MIB2: variants seen among roughly 807,000 people sequenced by gnomAD.
MIB2 encodes E3 ubiquitin-protein ligase MIB2.
A neutral mutation model predicts 96.6 loss-of-function variants in MIB2; 78 were observed. The observed-to-expected ratio is 0.81, with a 90% CI of 0.67 to 0.97. The LOEUF (loss-of-function observed/expected upper bound fraction) is 0.97. Among genes scored for constraint, MIB2 ranks in the 50% least tolerant of loss-of-function variants. The pLI is 0.00. For missense variants in MIB2, 1,543 were observed against 1,424.0 expected (o/e 1.08, Z -1.35); for synonymous variants, 820 against 629.5 (o/e 1.30, Z -4.53).
At chr1:1,624,090 T>A in intron 4 of MIB2, 145 bp downstream of exon 4, 1 of 1,000,968 alleles carries the variant, frequency 1.0e-6, no homozygotes, top group African/African-American at 1.6e-5. Context: ...TAAGCAGTGG[T>A]GCCATGGGCA....
rs1282224556 is a variant in MIB2 at position 1,625,219 on chromosome 1, C to A, written c.721+34C>A. On this transcript the variant is annotated intron_variant, in intron 6 of 19. Coordinates refer to ENST00000355826, the MANE Select transcript of MIB2 (RefSeq NM_001170687.4). This position sits in a 1 kb window ranked among gnomAD's most constrained non-coding sequence, Gnocchi z 5.0. The stretch of plus-strand genomic sequence containing the variant: ...CTGTCACACTGACTCCATCAGCCCT[C>A]CTGCCTTGGCTGAAGTCCCAGAGGG... The A allele has an allele frequency of 6.2e-7, 1 of 1,602,838 alleles. No individual in the cohort carries two copies. Among genetic ancestry groups the A allele is most frequent in the Non-Finnish European group, 8.5e-7 (1 of 1,174,534 alleles).
In MIB2 at chr1:1,628,702, C is replaced by A. The variant is rs745765855; in HGVS notation, c.2182C>A (p.Pro728Thr). The change falls in exon 16 of 20, where the codon CCC becomes ACC. Residue 728 changes from proline to threonine, a missense_variant. Transcript: ENST00000355826. ...VADGAGGDPG[P>T]LQLLSRLQAS... ...TGATGGGGCCGGGGGGGACCCAGGG[C>A]CCTTGCAGCTGCTGTCCAGGGTGAG... The A allele has an allele frequency of 6.4e-7, 1 of 1,554,958 alleles. No individual in the cohort carries two copies. Among genetic ancestry groups the A allele is most frequent in the Non-Finnish European group, 8.7e-7 (1 of 1,150,690 alleles).
rs771800762 is a variant in MIB2, at chr1:1,626,777, C to A, written c.1077+23C>A. ...CCTGTGAGTCCCCCTGCCACCCCCG[C>A]CGCTAGCGCCGCTGCCCCCCACACC... On this transcript the variant is annotated intron_variant, in intron 9 of 19. Coordinates refer to ENST00000355826, the MANE Select transcript of MIB2 (RefSeq NM_001170687.4). This position sits in a 1 kb window ranked among gnomAD's most constrained non-coding sequence, Gnocchi z 5.3. The A allele has an allele frequency of 3.2e-6, 5 of 1,573,202 alleles. No homozygotes were observed. Among genetic ancestry groups the A allele is most frequent in the South Asian group, 2.3e-5 (2 of 87,744 alleles).
intron 2 of MIB2, among the ~76,000 whole-genome samples, chr1:1,619,520 T>C (rs950226685): frequency 1.3e-5 from 2 of 152,192 alleles, no homozygotes; most frequent in Non-Finnish European, 1.5e-5. Context: ...CCCGCTCAGA[T>C]GAGGCGGCCA....
In MIB2 at chr1:1,616,867, C is replaced by A. The variant is rs570229018; in HGVS notation, c.-23+253C>A. The A allele has an allele frequency of 2.3e-5, 10 of 426,518 alleles. No homozygotes were observed. In the Admixed American group the frequency reaches 2.9e-4, roughly 12 times the overall value. 26.4% of individuals were successfully genotyped at this position (426,518 alleles called of 1,614,324 possible). ...GCCGCAGCGCAGGAGCGCCGGCAAGCCTGGCCCTTCCCGGGAGGCCCCCTT... is the reference window on the plus strand; with the variant it reads ...GCCGCAGCGCAGGAGCGCCGGCAAGACTGGCCCTTCCCGGGAGGCCCCCTT... On this transcript the variant is annotated intron_variant, in intron 2 of 19. Coordinates refer to ENST00000355826, the MANE Select transcript of MIB2 (RefSeq NM_001170687.4).
At chr1:1,622,750 C>T (rs1307319668) in intron 2 of MIB2, among the ~76,000 whole-genome samples, 1 of 152,200 alleles carries the variant, frequency 6.6e-6, no homozygotes, top group African/African-American at 2.4e-5. Flanking sequence ...GCCACTTTTC[C>T]AGAGAAGGCT....
chr1:1,618,318 G>A (rs1313964877), intron 2 of MIB2: 2 of 152,436 alleles, frequency 1.3e-5, no homozygotes. Flanking sequence ...AATAGGAGGG[G>A]GCAACCCAGA....
At chr1:1,623,733 C>A in intron 3 of MIB2, 34 bp downstream of exon 3, 2 of 1,536,220 alleles carry the variant, frequency 1.3e-6, no homozygotes, top group Non-Finnish European at 1.8e-6. Context: ...CGGGCAGGAC[C>A]CGGGGGCGGG....
rs767893611 is a variant in MIB2, at chr1:1,628,077, G to A, written c.1739G>A (p.Gly580Asp). 4 of 1,613,124 alleles carry A rather than the reference G, an allele frequency of 2.5e-6. No individual in the cohort carries two copies. Among genetic ancestry groups the A allele is most frequent in the Non-Finnish European group, 3.4e-6 (4 of 1,180,002 alleles). ...ATCTCGGCGGGCACTGGAGCCAGCG[G>A]CATTGTCGAGGTCCTCACGGAGGTG... Reference protein sequence around the residue: ...SAISAGTGASGIVEVLTEVPN... With the variant: ...SAISAGTGASDIVEVLTEVPN... Residue 580 changes from glycine to aspartate, a missense_variant, in exon 14 of 20, where the codon GGC becomes GAC. Coordinates refer to ENST00000355826, the MANE Select transcript of MIB2 (RefSeq NM_001170687.4).
chr1:1,616,328 G>A (rs1045207947), intron 1 of MIB2, 180 bp from the exon 2 acceptor site: 10 of 488,194 alleles, frequency 2.0e-5, no homozygotes, highest in Non-Finnish European at 3.4e-5. Context: ...CGGGCCCGGC[G>A]CTGGCGGCTC....
In MIB2 at chr1:1,625,879, T is replaced by G; in HGVS notation, c.972+226T>G. 3.5e-6 allele frequency: 2 copies of G among 577,090 alleles called. No homozygotes were observed. The highest frequency in any genetic ancestry group is 4.2e-5 in the South Asian group (2 of 48,050). The allele number at this position is 577,090 out of a possible 1,614,324, so 35.7% of individuals were successfully genotyped here. A position where few individuals can be genotyped will look rare whatever the true frequency, so the allele number is the denominator to read the frequency against. On this transcript the variant is annotated intron_variant, in intron 8 of 19. Transcript: ENST00000355826. This position sits in a 1 kb window ranked among gnomAD's most constrained non-coding sequence, Gnocchi z 5.0. Reference sequence around the variant, plus strand: ...GAGGGTATGTCTCTGGGAGCTGGAATGGGCAGGTTAGGGCCTCCCTCTGTT... The same window carrying G: ...GAGGGTATGTCTCTGGGAGCTGGAAGGGGCAGGTTAGGGCCTCCCTCTGTT...
Position 1,628,019 on chromosome 1 carries a change from G to C in MIB2, c.1681G>C (p.Asp561His). Residue 561 changes from aspartate (D) to histidine (H), a missense_variant and splice_region_variant, in exon 14 of 20, where the codon GAC (aspartate) becomes CAC (histidine). Physicochemically the swap from Asp to His is moderately conservative, Grantham distance 81. Transcript: ENST00000355826. ...GTGACCACTGACTCCGCCCCAGCAG[G>C]ACGCCCACTCGGACACGCCCCTGCA... ...CERGCDVNLP[D>H]AHSDTPLHSA... is the part of the protein sequence containing the mutation. 1 of 1,612,468 alleles carries C rather than the reference G, an allele frequency of 6.2e-7. No homozygotes were observed. The highest frequency in any genetic ancestry group is 8.5e-7 in the Non-Finnish European group (1 of 1,179,578).
At chr1:1,617,763 C>T (rs1643887241) in intron 2 of MIB2, 4 of 152,226 alleles carry the variant, frequency 2.6e-5, no homozygotes. Context: ...TCGCCCGAGT[C>T]TTCACACCCT....
At chr1:1,617,066 T>C (rs1643805709) in intron 2 of MIB2, 1 of 176,868 alleles carries the variant, frequency 5.7e-6, no homozygotes, top group African/African-American at 2.4e-5. Flanking sequence ...CTCGTGGGCT[T>C]TCCCTCAGCA....
chr1:1,620,864 C>G (rs1029553071), intron 2 of MIB2, among the ~76,000 whole-genome samples: 1 of 152,216 alleles, frequency 6.6e-6, no homozygotes, highest in Non-Finnish European at 1.5e-5. Flanking sequence ...AAGACAGCCC[C>G]CAGTGGGGAT....
intron 13 of MIB2, 41 bp downstream of exon 13, chr1:1,627,870 G>C (rs747374812): frequency 3.8e-6 from 6 of 1,595,322 alleles, no homozygotes; most frequent in Middle Eastern, 1.8e-4. Context: ...CTGCCCGTGA[G>C]TGCTTGTCCC....
intron 19 of MIB2, 23 bp from the exon 20 acceptor site, chr1:1,630,269 C>G: frequency 7.6e-7 from 1 of 1,318,556 alleles, no homozygotes; most frequent in East Asian, 2.8e-5. Flanking sequence ...CCTCCCAGCT[C>G]ACACCCGTCC....
chr1:1,629,762 C>CA, intron 19 of MIB2, 58 bp downstream of exon 19: 1 of 1,490,672 alleles, frequency 6.7e-7, no homozygotes. Context: ...CCCGCGGGTC[C>CA]CCGTCCCCCA....
chr1:1,630,438 G>A lies in MIB2; in HGVS notation c.2776G>A (p.Gly926Ser). 5 of 1,589,450 alleles carry A rather than the reference G, an allele frequency of 3.1e-6. No homozygotes were observed. The highest frequency in any genetic ancestry group is 1.7e-4 in the Middle Eastern group (1 of 6,040). The change falls in exon 20 of 20, where the codon GGC becomes AGC. Residue 926 changes from glycine to serine, a missense_variant. Coordinates refer to ENST00000355826, the MANE Select transcript of MIB2 (RefSeq NM_001170687.4). ...DSHIRLVFQC[G>S]HGACAPCGSA... ...CCACATCCGCCTCGTGTTCCAGTGCGGCCACGGCGCATGCGCCCCCTGCGG... is the reference window on the plus strand; with the variant it reads ...CCACATCCGCCTCGTGTTCCAGTGCAGCCACGGCGCATGCGCCCCCTGCGG...
Sources: gnomAD v4.1 joint callset for allele counts (sites outside exome capture counted in the v4.1 genomes callset) on GRCh38, gnomAD v4.1.1 for gene constraint, Gnocchi (gnomAD v3.1) non-coding constraint, MANE v1.5 for transcripts, NCBI Gene and HGNC (gene_info 2026-07-23, HGNC 2026-07-21) for gene names.